FBXO7: variants seen among roughly 807,000 people sequenced by gnomAD.
The protein encoded by FBXO7 is F-box protein 7.
A neutral mutation model predicts 50.2 loss-of-function variants in FBXO7; 31 were observed. That is an observed-to-expected ratio of 0.62 (90% CI 0.46 to 0.83). FBXO7 has a LOEUF of 0.83. Ranked by LOEUF, FBXO7 falls within the 40% of genes least tolerant of loss-of-function variation. The pLI is 0.00. For missense variants in FBXO7, 667 were observed against 646.6 expected (o/e 1.03, Z -0.34); for synonymous variants, 256 against 253.1 (o/e 1.01, Z -0.11).
rs529463759 is a variant in FBXO7, at chr22:32,475,511, A to C, written c.122+387A>C. ...GAAATGATGAGCTTGGCTTGGGTTAAACCTTTCTGGACTGTGAGGGGTCCG... is the reference window on the plus strand; with the variant it reads ...GAAATGATGAGCTTGGCTTGGGTTACACCTTTCTGGACTGTGAGGGGTCCG... On this transcript the variant is annotated intron_variant, in intron 1 of 8. Coordinates refer to ENST00000266087, the MANE Select transcript of FBXO7 (RefSeq NM_012179.4). The C allele has an allele frequency of 1.0e-4, 138 of 1,385,274 alleles. 1 individual carries two copies. In the South Asian group the frequency reaches 1.6e-3, roughly 16 times the overall value. 85.8% of individuals were successfully genotyped at this position (1,385,274 alleles called of 1,614,324 possible).
chr22:32,485,354 A>T, intron 4 of FBXO7, 145 bp downstream of exon 4: 2 of 1,076,294 alleles, frequency 1.9e-6, no homozygotes, highest in South Asian at 2.6e-5. Context: ...GCCACTGATA[A>T]CATGTGTCTG....
Position 32,474,865 on chromosome 22 carries a change from C to T in FBXO7, c.-138C>T. On this transcript the variant is annotated 5_prime_UTR_variant, in exon 1 of 9. Coordinates refer to ENST00000266087, the MANE Select transcript of FBXO7 (RefSeq NM_012179.4). Reference sequence around the variant, plus strand: ...GGCCACTGTGGCGGGGCTCTTTCCCCGTTTCGCCTCAGCTACCCCTCAGCT... The same window carrying T: ...GGCCACTGTGGCGGGGCTCTTTCCCTGTTTCGCCTCAGCTACCCCTCAGCT... The T allele has an allele frequency of 2.4e-6, 2 of 821,690 alleles. No individual in the cohort carries two copies. The highest frequency in any genetic ancestry group is 3.6e-6 in the Non-Finnish European group (2 of 550,360). 50.9% of individuals were successfully genotyped at this position (821,690 alleles called of 1,614,324 possible).
chr22:32,485,455 A>AT (rs1353881155), intron 4 of FBXO7, among the ~76,000 whole-genome samples: 1 of 152,098 alleles, frequency 6.6e-6, no homozygotes, highest in Non-Finnish European at 1.5e-5. Context: ...AATCTTTGTA[A>AT]TATTTTGCTC....
chr22:32,498,565 T>C lies in FBXO7; in HGVS notation c.*35T>C, dbSNP rs1418157528. The C allele has an allele frequency of 6.3e-7, 1 of 1,597,088 alleles. No homozygotes were observed. On this transcript the variant is annotated 3_prime_UTR_variant, in exon 9 of 9. Transcript: ENST00000266087. ...AATTTCATTTCTGGAGCTCCATTTG[T>C]TTTTGTTTCTAAACTACAGATGTCA...
intron 7 of FBXO7, among the ~76,000 whole-genome samples, chr22:32,493,683 G>A (rs1312176765): frequency 6.6e-6 from 1 of 152,140 alleles, no homozygotes; most frequent in African/African-American, 2.4e-5. Context: ...TTTCTGTATG[G>A]TCACATTATG....
chr22:32,497,652 G>A (rs2057583757), intron 8 of FBXO7, among the ~76,000 whole-genome samples: 1 of 152,156 alleles, frequency 6.6e-6, no homozygotes, highest in Admixed American at 6.5e-5. Flanking sequence ...GTTTTACTGT[G>A]GGTAAAATGC....
chr22:32,496,028 C>T (rs1343841734), intron 8 of FBXO7, among the ~76,000 whole-genome samples: 4 of 152,184 alleles, frequency 2.6e-5, no homozygotes, highest in Non-Finnish European at 5.9e-5. Context: ...AGACAGCTTT[C>T]TATTGGAAGA....
chr22:32,479,078 A>G lies in FBXO7; in HGVS notation c.220A>G (p.Ile74Val), dbSNP rs778221426. ...ATATGGGATTGTTTCTGGGGACTTG[A>G]TATGTTTGATTCTTCAAGATGACAT... The part of the protein sequence containing the change: ...ASYGIVSGDL[I>V]CLILQDDIPA... Residue 74 changes from isoleucine (I) to valine (V), a missense_variant, in exon 2 of 9, where the codon ATA becomes GTA. Ile to Val is a conservative substitution (Grantham distance 29). Transcript: ENST00000266087. 1 of 1,614,112 alleles carries G rather than the reference A, an allele frequency of 6.2e-7. No homozygotes were observed. Among genetic ancestry groups the G allele is most frequent in the South Asian group, 1.1e-5 (1 of 91,078 alleles).
chr22:32,495,222 C>T (rs2057564978), intron 7 of FBXO7, among the ~76,000 whole-genome samples: 1 of 152,202 alleles, frequency 6.6e-6, no homozygotes, highest in Admixed American at 6.5e-5. Context: ...AGAGTAGCCA[C>T]ATGTTCCTCC....
chr22:32,480,674 CTT>C (rs369355883), intron 2 of FBXO7, among the ~76,000 whole-genome samples: 7 of 145,354 alleles, frequency 4.8e-5, no homozygotes, highest in Admixed American at 6.9e-5. Flanking sequence ...TTTTTCCCAC[CTT>C]TTTTTTTTTT....
intron 1 of FBXO7, among the ~76,000 whole-genome samples, chr22:32,476,833 C>G (rs1301422728): frequency 6.6e-6 from 1 of 152,164 alleles, no homozygotes; most frequent in Non-Finnish European, 1.5e-5. Context: ...CTCCTCTTAA[C>G]GCCCCAATTT....
chr22:32,476,674 G>GTTTTGT (rs1396800771), intron 1 of FBXO7, among the ~76,000 whole-genome samples: 1 of 148,654 alleles, frequency 6.7e-6, no homozygotes, highest in Non-Finnish European at 1.5e-5. Flanking sequence ...GCTTTTATTT[G>GTTTTGT]TTTTGTTTTT....
chr22:32,483,775 C>G (rs1036777096), intron 2 of FBXO7, 122 bp from the exon 3 acceptor site: 3 of 825,954 alleles, frequency 3.6e-6, no homozygotes, highest in Non-Finnish European at 6.1e-6. Context: ...CTTAAAATGT[C>G]TCCCATTTCT....
intron 6 of FBXO7, chr22:32,492,461 C>T (rs1043527015): frequency 2.6e-5 from 4 of 152,336 alleles, no homozygotes; most frequent in Admixed American, 6.5e-5. Flanking sequence ...TATTATTTTT[C>T]CTTTCCTTTC....
chr22:32,480,933 T>C (rs1219932795), intron 2 of FBXO7, among the ~76,000 whole-genome samples: 1 of 152,198 alleles, frequency 6.6e-6, no homozygotes, highest in African/African-American at 2.4e-5. Context: ...CCCAAAGTAA[T>C]GGGATTACAG....
rs752821275 is a variant in FBXO7, at chr22:32,498,478, C to A, written c.1517C>A (p.Pro506His). The change falls in exon 9 of 9, where the codon CCC becomes CAC. Residue 506 changes from proline (P) to histidine (H), a missense_variant. Coordinates refer to ENST00000266087, the MANE Select transcript of FBXO7 (RefSeq NM_012179.4). ...PGRGGPNDRFPFRPSRGRPTD... is the reference protein window; with the variant it reads ...PGRGGPNDRFHFRPSRGRPTD... ...CGAGGCGGCCCCAATGACAGATTTC[C>A]CTTTAGACCCAGCAGGGGTCGGCCA... 1 of 1,614,162 alleles carries A rather than the reference C, an allele frequency of 6.2e-7. No individual in the cohort carries two copies. Among genetic ancestry groups the A allele is most frequent in the South Asian group, 1.1e-5 (1 of 91,074 alleles).
intron 7 of FBXO7, among the ~76,000 whole-genome samples, chr22:32,495,258 T>C (rs2057565263): frequency 6.6e-6 from 1 of 152,202 alleles, no homozygotes; most frequent in Non-Finnish European, 1.5e-5. Context: ...TCACACTGCA[T>C]TGAATTACCA....
At position 32,479,068 on chromosome 22, in the gene FBXO7, T is replaced by C; in HGVS notation, c.210T>C (p.Ser70=). The change falls in exon 2 of 9, where the codon TCT becomes TCC. Residue 70 remains serine (S), a synonymous_variant. Coordinates refer to ENST00000266087, the MANE Select transcript of FBXO7 (RefSeq NM_012179.4). ...EETLASYGIV[S]GDLICLILQD... is the part of the protein sequence containing the mutation. ...CCTTGGCTTCATATGGGATTGTTTCTGGGGACTTGATATGTTTGATTCTTC... is the reference window on the plus strand; with the variant it reads ...CCTTGGCTTCATATGGGATTGTTTCCGGGGACTTGATATGTTTGATTCTTC... The C allele has an allele frequency of 6.2e-7, 1 of 1,614,258 alleles. No individual in the cohort carries two copies. The highest frequency in any genetic ancestry group is 2.2e-5 in the East Asian group (1 of 44,884).
intron 4 of FBXO7, 21 bp from the exon 5 acceptor site, chr22:32,487,724 C>G (rs1568976173): frequency 6.6e-7 from 1 of 1,523,212 alleles, no homozygotes; most frequent in South Asian, 1.1e-5. Context: ...TCTTTATCAT[C>G]TTTCTTTTGT....
Sources: allele counts gnomAD v4.1 joint callset (sites outside exome capture counted in the v4.1 genomes callset), GRCh38; gene constraint gnomAD v4.1.1; transcripts MANE v1.5; gene names NCBI Gene and HGNC (gene_info 2026-07-23, HGNC 2026-07-21).